Variants in SIGLEC1 observed in about 807,000 individuals in gnomAD.
SIGLEC1 encodes sialoadhesin.
Under a neutral mutation model 148.0 loss-of-function variants are expected in SIGLEC1, and 132 were observed. That is an observed-to-expected ratio of 0.89 (90% confidence interval 0.77 to 1.03). SIGLEC1 has a LOEUF of 1.03. Ranked by LOEUF, SIGLEC1 falls within the 50% of genes least tolerant of loss-of-function variation. SIGLEC1 has a pLI of 0.00. For missense variants in SIGLEC1, 2,253 were observed against 2,271.4 expected, an observed-to-expected ratio of 0.99 and a Z score of 0.16; for synonymous variants, 945 against 969.0, an observed-to-expected ratio of 0.98 and a Z score of 0.46.
chr20:3,706,182 G>T, intron 3 of SIGLEC1, 142 bp from the exon 4 acceptor site: 1 of 1,283,408 alleles, frequency 7.8e-7, no homozygotes, highest in Non-Finnish European at 1.1e-6. Context: ...GCCCCACTTG[G>T]GTGAATACAA....
At chr20:3,708,940 G>C (rs2087913791) in intron 1 of SIGLEC1, among the ~76,000 whole-genome samples, 1 of 150,942 alleles carries the variant, frequency 6.6e-6, no homozygotes, top group Non-Finnish European at 1.5e-5. Context: ...AGCTACTCGG[G>C]AGGCTGAGGC....
chr20:3,688,846 G>C lies in SIGLEC1; in HGVS notation c.5071-227C>G, dbSNP rs1234562682. 7 of 596,996 alleles carry C rather than the reference G, an allele frequency of 1.2e-5. No individual in the cohort carries two copies. In the Admixed American group the frequency reaches 2.1e-4, roughly 18 times the overall value. 37.0% of individuals were successfully genotyped at this position (596,996 alleles called of 1,614,324 possible). On this transcript the variant is annotated intron_variant, in intron 21 of 21. Transcript: ENST00000344754. ...CCAGGTGACGGGCAGGCTTGGGAGTGGGGAAGAGGCCTCAGAACAAAGGTG... is the reference window on the plus strand; with the variant it reads ...CCAGGTGACGGGCAGGCTTGGGAGTCGGGAAGAGGCCTCAGAACAAAGGTG...
In SIGLEC1 at chr20:3,697,127, C is replaced by T. The variant is rs770997892; in HGVS notation, c.2338G>A (p.Ala780Thr). The change falls in exon 10 of 22, where the codon GCT becomes ACT. Residue 780 changes from alanine (A) to threonine (T), a missense_variant. Physicochemically the swap from Ala to Thr is moderately conservative, Grantham distance 58. Transcript: ENST00000344754. ...ACGGGAGTGGAGAGCTGGGCACCAG[C>T]CTCAGTCAGGATGCGGCAGGCGTAA... The part of the protein sequence containing the change: ...ALYACRILTE[A>T]GAQLSTPVLL... The T allele has an allele frequency of 2.5e-6, 4 of 1,613,442 alleles. No individual in the cohort carries two copies. Among genetic ancestry groups the T allele is most frequent in the Admixed American group, 3.3e-5 (2 of 60,002 alleles).
Position 3,703,262 on chromosome 20 carries a change from T to C in SIGLEC1, c.1163A>G (p.Tyr388Cys). Reference protein sequence around the residue: ...HLATRADTGFYFCEVQNVHGS... With the variant: ...HLATRADTGFCFCEVQNVHGS... ...ATGGACGTTCTGCACCTCACAGAAGTAGAAGCCAGTATCAGCCCTAGTGGC... is the reference window on the plus strand; with the variant it reads ...ATGGACGTTCTGCACCTCACAGAAGCAGAAGCCAGTATCAGCCCTAGTGGC... Residue 388 changes from tyrosine (Y) to cysteine (C), a missense_variant, in exon 6 of 22, where the codon TAC becomes TGC. By Grantham distance (194) the Tyr-to-Cys change is radical. Transcript: ENST00000344754. 1.2e-6 allele frequency: 2 copies of C among 1,614,096 alleles called. No homozygotes were observed. Among genetic ancestry groups the C allele is most frequent in the African/African-American group, 1.3e-5 (1 of 75,012 alleles).
At chr20:3,702,282 G>T (rs1417477806) in intron 6 of SIGLEC1, among the ~76,000 whole-genome samples, 1 of 152,132 alleles carries the variant, frequency 6.6e-6, no homozygotes, top group East Asian at 1.9e-4. Flanking sequence ...ATAGATTATA[G>T]CTTAGATAAC....
In SIGLEC1 at chr20:3,690,189, AC is replaced by A. The variant is rs1368493358; in HGVS notation, c.4666del (p.Val1556TrpfsTer9). The A allele has an allele frequency of 1.3e-6, 2 of 1,567,272 alleles. No homozygotes were observed. The highest frequency in any genetic ancestry group is 2.3e-5 in the South Asian group (2 of 85,278). Reference sequence around the variant, plus strand: ...CAGGCTGGCGAGCGGCTCGCTGTCCACTCGGCAATCCAGGATGCCCCGGAGG... The same window carrying A: ...CAGGCTGGCGAGCGGCTCGCTGTCCATCGGCAATCCAGGATGCCCCGGAGG... ...GGLRGILDCR[V>X]DSEPLASLTL... On this transcript the variant is annotated frameshift_variant, in exon 19 of 22. Transcript: ENST00000344754. LOFTEE classifies it high-confidence loss of function.
Position 3,703,282 on chromosome 20 carries a change from A to G in SIGLEC1, c.1143T>C (p.Thr381=). The stretch of plus-strand genomic sequence containing the variant: ...AGAAGTAGAAGCCAGTATCAGCCCT[A>G]GTGGCCAAGTGCAGCCGGAGGGTAT... ...HSHTLRLHLA[T]RADTGFYFCE... is the part of the protein sequence containing the mutation. Residue 381 remains threonine (T), a synonymous_variant, in exon 6 of 22, where the codon ACT becomes ACC. Transcript: ENST00000344754. The G allele has an allele frequency of 6.2e-7, 1 of 1,614,170 alleles. No individual in the cohort carries two copies. The highest frequency in any genetic ancestry group is 8.5e-7 in the Non-Finnish European group (1 of 1,180,022).
At position 3,692,688 on chromosome 20, in the gene SIGLEC1, G is replaced by A; in HGVS notation, c.3863C>T (p.Ala1288Val). Residue 1288 changes from alanine (A) to valine (V), a missense_variant, in exon 16 of 22, where the codon GCA becomes GTA. Physicochemically the swap from Ala to Val is moderately conservative, Grantham distance 64 (BLOSUM62 0). Coordinates refer to ENST00000344754, the MANE Select transcript of SIGLEC1 (RefSeq NM_023068.4). ...TVTCADPAAH[A>V]PTLYTWYHNG... ...GTGGTACCAAGTATAGAGTGTGGGT[G>A]CGTGGGCAGCAGGGTCCGCACAGGT... The A allele has an allele frequency of 6.2e-7, 1 of 1,613,044 alleles. No individual in the cohort carries two copies. The highest frequency in any genetic ancestry group is 8.5e-7 in the Non-Finnish European group (1 of 1,180,016).
rs777188219 is a variant in SIGLEC1, at chr20:3,693,573, G to T, written c.3382C>A (p.Arg1128Ser). 10 of 1,612,586 alleles carry T rather than the reference G, an allele frequency of 6.2e-6. No individual in the cohort carries two copies. Among genetic ancestry groups the T allele is most frequent in the Admixed American group, 5.0e-5 (3 of 59,936 alleles). ...TYTWYQDGQQ[R>S]LDAHSIPLPN... is the part of the protein sequence containing the mutation. ...AGGGGGATGGAGTGGGCATCCAGGC[G>T]CTGCTGCCCATCCTGGTACCATGTG... is the stretch of plus-strand genomic sequence containing the variant. Residue 1128 changes from arginine to serine, a missense_variant, in exon 14 of 22, where the codon CGC (arginine) becomes AGC (serine). Physicochemically the swap from Arg to Ser is moderately radical, Grantham distance 110. Coordinates refer to ENST00000344754, the MANE Select transcript of SIGLEC1 (RefSeq NM_023068.4).
chr20:3,695,059 G>T, intron 11 of SIGLEC1, 136 bp from the exon 12 acceptor site: 1 of 881,844 alleles, frequency 1.1e-6, no homozygotes, highest in Non-Finnish European at 1.7e-6. Context: ...ACCACCGCCA[G>T]GGCCCACTCA....
chr20:3,690,848 T>TTTA (rs2088752790), intron 18 of SIGLEC1, among the ~76,000 whole-genome samples: 2 of 130,232 alleles, frequency 1.5e-5, no homozygotes, highest in Non-Finnish European at 1.6e-5. Context: ...TTTTTTTTCT[T>TTTA]GAGACAGAGT....
intron 20 of SIGLEC1, 21 bp downstream of exon 20, chr20:3,689,579 C>T: frequency 6.5e-7 from 1 of 1,527,894 alleles, no homozygotes; most frequent in Non-Finnish European, 8.9e-7. Context: ...TCTTCTGGCC[C>T]ACTCCCAGCT....
At chr20:3,704,313 T>C (rs735294) in intron 4 of SIGLEC1, among the ~76,000 whole-genome samples, 14,471 of 152,194 alleles carry the variant, frequency 0.095, 935 homozygotes, top group East Asian at 0.33. Flanking sequence ...GAGCTGATCA[T>C]GTGACGCTTG....
Position 3,692,544 on chromosome 20 carries a change from C to T in SIGLEC1, c.4007G>A (p.Arg1336His), listed in dbSNP as rs199713985. ...AQDAQGTRSS[R>H]PAALQVLYAP... Reference sequence around the variant, plus strand: ...ACAGAGGACTTGCAGGGCAGCAGGACGGGAGCTGCGGGTGCCCTGGGCATC... The same window carrying T: ...ACAGAGGACTTGCAGGGCAGCAGGATGGGAGCTGCGGGTGCCCTGGGCATC... The change falls in exon 16 of 22, where the codon CGT (arginine) becomes CAT (histidine). Residue 1336 changes from arginine to histidine, a missense_variant. Coordinates refer to ENST00000344754, the MANE Select transcript of SIGLEC1 (RefSeq NM_023068.4). 32 of 1,601,398 alleles carry T rather than the reference C, an allele frequency of 2.0e-5. No homozygotes were observed. The highest frequency in any genetic ancestry group is 4.5e-5 in the East Asian group (2 of 44,684).
chr20:3,691,745 C>T (rs914997588), intron 17 of SIGLEC1, 145 bp from the exon 18 acceptor site: 1 of 1,331,662 alleles, frequency 7.5e-7, no homozygotes, highest in Admixed American at 2.3e-5. Context: ...GGAACCATGC[C>T]CCCTCCAGTG....
rs370842625 is a variant in SIGLEC1 at position 3,697,191 on chromosome 20, G to A, written c.2274C>T (p.Thr758=). ...TTCTGGCCACGGGCAGCAGTGTCACGGTCTCCAGGGGACCCTGGGCCCACA... is the reference window on the plus strand; with the variant it reads ...TTCTGGCCACGGGCAGCAGTGTCACAGTCTCCAGGGGACCCTGGGCCCACA... The part of the protein sequence containing the change: ...GVLWAQGPLE[T]VTLLPVARTD... The change falls in exon 10 of 22, where the codon ACC becomes ACT. Residue 758 remains threonine, a synonymous_variant. Coordinates refer to ENST00000344754, the MANE Select transcript of SIGLEC1 (RefSeq NM_023068.4). The A allele has an allele frequency of 1.7e-5, 27 of 1,613,880 alleles. No homozygotes were observed. Among genetic ancestry groups the A allele is most frequent in the Non-Finnish European group, 2.3e-5 (27 of 1,180,032 alleles).
rs1360216330 is a variant in SIGLEC1, at chr20:3,699,417, C to T, written c.1571G>A (p.Gly524Glu). The T allele has an allele frequency of 6.2e-7, 1 of 1,609,962 alleles. No homozygotes were observed. The highest frequency in any genetic ancestry group is 8.5e-7 in the Non-Finnish European group (1 of 1,178,874). ...LISPAAEVVE[G>E]QAVTLSCRSG... ...TCTGCAGCTCAGTGTCACTGCCTGTCCTTCCACCACCTCGGCTGCCGGGCT... is the reference window on the plus strand; with the variant it reads ...TCTGCAGCTCAGTGTCACTGCCTGTTCTTCCACCACCTCGGCTGCCGGGCT... The change falls in exon 8 of 22, where the codon GGA becomes GAA. Residue 524 changes from glycine (G) to glutamate (E), a missense_variant. Transcript: ENST00000344754.
At chr20:3,692,326 C>T in intron 16 of SIGLEC1, 124 bp from the exon 17 acceptor site, 2 of 1,196,126 alleles carry the variant, frequency 1.7e-6, no homozygotes, top group Non-Finnish European at 2.3e-6. Context: ...GAAGTGACAC[C>T]TTCCCAGGAG....
intron 2 of SIGLEC1, 85 bp from the exon 3 acceptor site, chr20:3,706,791 G>A (rs949873152): frequency 7.0e-7 from 1 of 1,420,814 alleles, no homozygotes; most frequent in African/African-American, 1.4e-5. Context: ...CCCCAGAGAA[G>A]GTGCCCCAGC....
Sources: gnomAD v4.1 joint callset for allele counts (sites outside exome capture counted in the v4.1 genomes callset) on GRCh38, gnomAD v4.1.1 for gene constraint, MANE v1.5 for transcripts, NCBI Gene and HGNC (gene_info 2026-07-23, HGNC 2026-07-21) for gene names.